INSC: variants seen among roughly 807,000 people sequenced by gnomAD.
INSC encodes protein inscuteable homolog.
Under a neutral mutation model 58.6 loss-of-function variants are expected in INSC, and 67 were observed. The observed-to-expected ratio is 1.14, with a 90% confidence interval of 0.94 to 1.40. The LOEUF (loss-of-function observed/expected upper bound fraction) is 1.40, where lower values mean the gene tolerates loss of function less well. INSC is among the 40% of genes most tolerant of loss of function. The pLI is 0.00. For missense variants in INSC, 714 were observed against 692.0 expected (o/e 1.03, Z -0.36); for synonymous variants, 262 against 276.1 (o/e 0.95, Z 0.51).
chr11:15,178,416 T>G lies in INSC; in HGVS notation c.548T>G (p.Leu183Arg). 1 of 1,612,522 alleles carries G rather than the reference T, an allele frequency of 6.2e-7. No homozygotes were observed. Among genetic ancestry groups the G allele is most frequent in the Non-Finnish European group, 8.5e-7 (1 of 1,179,988 alleles). ...ATGCTGGGCCAGCACTTTGGTCAGC[T>G]GCTGGAGCTGGCCCTGACACGGGAG... ...LSMLGQHFGQLLELALTREVQ... is the reference protein window; with the variant it reads ...LSMLGQHFGQRLELALTREVQ... Residue 183 changes from leucine (L) to arginine (R), a missense_variant, in exon 5 of 13, where the codon CTG becomes CGG. Coordinates refer to ENST00000379556, the MANE Select transcript of INSC (RefSeq NM_001042536.3).
chr11:15,128,983 C>A (rs1352544607), intron 1 of INSC, among the ~76,000 whole-genome samples: 1 of 152,142 alleles, frequency 6.6e-6, no homozygotes, highest in African/African-American at 2.4e-5. Flanking sequence ...CAGAAAGGGG[C>A]TTTTAAAGTA....
At chr11:15,232,306 A>C (rs1851955411) in intron 9 of INSC, among the ~76,000 whole-genome samples, 1 of 152,178 alleles carries the variant, frequency 6.6e-6, no homozygotes, top group East Asian at 1.9e-4. Context: ...CAGTCTTTCA[A>C]GGCTTGAGTC....
At chr11:15,186,448 A>G (rs907348274) in intron 5 of INSC, among the ~76,000 whole-genome samples, 2 of 152,154 alleles carry the variant, frequency 1.3e-5, no homozygotes, top group African/African-American at 4.8e-5. Flanking sequence ...GCTTTCTGAC[A>G]CATTCTTTTG....
chr11:15,223,602 C>T (rs935703613), intron 8 of INSC, among the ~76,000 whole-genome samples: 2 of 152,246 alleles, frequency 1.3e-5, no homozygotes, highest in African/African-American at 4.8e-5. Flanking sequence ...ATTGCTGTGT[C>T]GGCAGCAATA....
chr11:15,199,337 A>G (rs1419855189), intron 6 of INSC, among the ~76,000 whole-genome samples: 3 of 152,212 alleles, frequency 2.0e-5, no homozygotes, highest in African/African-American at 7.2e-5. Context: ...AATGTCAGAA[A>G]TTATGAACTC....
At chr11:15,227,193 C>A (rs1196754587) in intron 9 of INSC, among the ~76,000 whole-genome samples, 6 of 152,166 alleles carry the variant, frequency 3.9e-5, no homozygotes, top group Admixed American at 2.6e-4. Flanking sequence ...AGAACTTGAT[C>A]TTTGACTCTC....
chr11:15,251,600 G>T (rs945481836), downstream of INSC, among the ~76,000 whole-genome samples: 1 of 152,136 alleles, frequency 6.6e-6, no homozygotes, highest in African/African-American at 2.4e-5. Flanking sequence ...GATTTGAATA[G>T]ATATCTCTCC....
At chr11:15,151,996 T>A (rs11826425) in intron 2 of INSC, among the ~76,000 whole-genome samples, 5,153 of 152,286 alleles carry the variant, frequency 0.034, 280 homozygotes, top group African/African-American at 0.12. Flanking sequence ...CAAAGTTGGC[T>A]TATGGTTTCA....
At chr11:15,175,076 T>G (rs926363812) in intron 2 of INSC, among the ~76,000 whole-genome samples, 1 of 152,216 alleles carries the variant, frequency 6.6e-6, no homozygotes, top group Non-Finnish European at 1.5e-5. Context: ...ATGCTCACTA[T>G]AGAAAATTTG....
chr11:15,245,294 A>G (rs1265541048), intron 12 of INSC, among the ~76,000 whole-genome samples: 1 of 152,100 alleles, frequency 6.6e-6, no homozygotes, highest in African/African-American at 2.4e-5. Context: ...CACAAGTAAG[A>G]GTATGAGCAA....
intron 2 of INSC, among the ~76,000 whole-genome samples, chr11:15,160,372 G>C (rs943059041): frequency 2.0e-5 from 3 of 152,154 alleles, no homozygotes; most frequent in African/African-American, 7.2e-5. Flanking sequence ...CTCAGGGCTG[G>C]GACAATGGTT....
At chr11:15,145,281 G>C (rs1236975403) in intron 1 of INSC, among the ~76,000 whole-genome samples, 5 of 152,162 alleles carry the variant, frequency 3.3e-5, no homozygotes, top group African/African-American at 1.2e-4. Flanking sequence ...ATTTTCCCAA[G>C]GTTATGTACT....
chr11:15,124,958 C>T (rs1039075880), intron 1 of INSC, among the ~76,000 whole-genome samples: 1 of 152,122 alleles, frequency 6.6e-6, no homozygotes, highest in Non-Finnish European at 1.5e-5. Context: ...GGAGATGTGA[C>T]GGTGAGCAAA....
chr11:15,217,669 C>A (rs547458160), intron 7 of INSC, among the ~76,000 whole-genome samples: 1 of 151,998 alleles, frequency 6.6e-6, no homozygotes, highest in South Asian at 2.1e-4. Flanking sequence ...CAGAACGAAA[C>A]GCTAGGAAAA....
In INSC at chr11:15,235,987, C is replaced by T. The variant is rs749547266; in HGVS notation, c.1237+319C>T. ...AGGAGAATCACTTGAACCTGGGAGG[C>T]GGAGGTTGCAGTGAGCTGAGATCAC... On this transcript the variant is annotated intron_variant, in intron 10 of 12. Transcript: ENST00000379556. Among the ~76,000 whole-genome samples, 27 of 139,924 alleles carry T rather than the reference C, an allele frequency of 1.9e-4. 1 individual carries two copies. Among genetic ancestry groups the T allele is most frequent in the African/African-American group, 2.7e-4 (10 of 36,960 alleles). The allele number at this position is 139,924 out of a possible 152,430, so 91.8% of individuals were successfully genotyped here. A position where few individuals can be genotyped will look rare whatever the true frequency, so the allele number is the denominator to read the frequency against.
intron 12 of INSC, among the ~76,000 whole-genome samples, chr11:15,244,874 T>G (rs2133988176): frequency 6.6e-6 from 1 of 152,272 alleles, no homozygotes; most frequent in East Asian, 1.9e-4. Flanking sequence ...AAATTAATAT[T>G]TATCAAGCAC....
intron 1 of INSC, among the ~76,000 whole-genome samples, chr11:15,118,321 T>G (rs140650533): frequency 6.6e-6 from 1 of 152,338 alleles, no homozygotes; most frequent in Non-Finnish European, 1.5e-5. Flanking sequence ...ATTGCAAAGT[T>G]GGTGAAACTT....
At chr11:15,157,869 G>T (rs1392739761) in intron 2 of INSC, among the ~76,000 whole-genome samples, 1 of 152,144 alleles carries the variant, frequency 6.6e-6, no homozygotes, top group Non-Finnish European at 1.5e-5. Context: ...TGCAAGGCCT[G>T]ACCCCCACTT....
chr11:15,116,782 CTTCCT>C (rs1408758249), intron 1 of INSC, among the ~76,000 whole-genome samples: 1 of 132,168 alleles, frequency 7.6e-6, no homozygotes, highest in African/African-American at 2.8e-5. Flanking sequence ...TTTTTTCTTC[CTTCCT>C]TTCTTTTCTT....
Sources: allele counts gnomAD v4.1 joint callset (sites outside exome capture counted in the v4.1 genomes callset), GRCh38; gene constraint gnomAD v4.1.1; transcripts MANE v1.5; gene names NCBI Gene and HGNC (gene_info 2026-07-23, HGNC 2026-07-21).